Variants in SMG6 observed in about 807,000 individuals in gnomAD.
SMG6 encodes SMG6 nonsense mediated mRNA decay factor, also known as telomerase-binding protein EST1A.
A neutral mutation model predicts 142.2 loss-of-function variants in SMG6; 66 were observed. The observed-to-expected ratio is 0.46, with a 90% confidence interval of 0.38 to 0.57. The LOEUF (loss-of-function observed/expected upper bound fraction) is 0.57. Ranked by LOEUF, SMG6 falls within the 20% of genes least tolerant of loss-of-function variation. The pLI is 0.00. For missense variants in SMG6, 1,793 were observed against 1,832.0 expected (o/e 0.98, Z 0.39); for synonymous variants, 779 against 702.4 (o/e 1.11, Z -1.72).
chr17:2,236,372 T>A, intron 10 of SMG6, 120 bp downstream of exon 10: 1 of 856,930 alleles, frequency 1.2e-6, no homozygotes, highest in Admixed American at 2.5e-5. Context: ...TAGGGTAGGG[T>A]GTGTGTGTTC....
intron 10 of SMG6, among the ~76,000 whole-genome samples, chr17:2,231,057 G>C (rs922163278): frequency 6.6e-6 from 1 of 152,102 alleles, no homozygotes; most frequent in African/African-American, 2.4e-5. Flanking sequence ...ATGAAAGGTG[G>C]ATTTCCTGTA....
chr17:2,294,846 A>G (rs570926045), intron 4 of SMG6, among the ~76,000 whole-genome samples: 3 of 151,406 alleles, frequency 2.0e-5, no homozygotes, highest in Non-Finnish European at 2.9e-5. Context: ...TGCCTAAAAT[A>G]CCACCAAGCA....
chr17:2,163,391 G>A (rs1272330577), intron 13 of SMG6, among the ~76,000 whole-genome samples: 5 of 151,840 alleles, frequency 3.3e-5, no homozygotes, highest in Non-Finnish European at 7.4e-5. Context: ...TGTTTCCCAG[G>A]CTGGTCTCGA....
At chr17:2,298,493 G>T (rs2075193838) in intron 2 of SMG6, among the ~76,000 whole-genome samples, 1 of 152,168 alleles carries the variant, frequency 6.6e-6, no homozygotes, top group Non-Finnish European at 1.5e-5. Context: ...GCCGAGGCAG[G>T]CGGATCACGA....
At chr17:2,227,848 A>G (rs2073361978) in intron 10 of SMG6, among the ~76,000 whole-genome samples, 1 of 152,242 alleles carries the variant, frequency 6.6e-6, no homozygotes. Context: ...CCAAAGAGAA[A>G]ACAACCGAAA....
chr17:2,094,445 G>T (rs1405834039), intron 13 of SMG6, among the ~76,000 whole-genome samples: 2 of 152,038 alleles, frequency 1.3e-5, no homozygotes, highest in African/African-American at 2.4e-5. Context: ...CACCATATTG[G>T]CCAGGCTGGT....
chr17:2,244,676 T>G lies in SMG6; in HGVS notation c.2705A>C (p.Lys902Thr). Reference sequence around the variant, plus strand: ...CACTTACCCAATCCGGGTAAACAGCTTCCCATGGGCATGGAGAAAACTGAG... The same window carrying G: ...CACTTACCCAATCCGGGTAAACAGCGTCCCATGGGCATGGAGAAAACTGAG... ...FILSFLHAHG[K>T]LFTRIGMETF... Residue 902 changes from lysine to threonine, a missense_variant, in exon 9 of 19, where the codon AAG (lysine) becomes ACG (threonine). Transcript: ENST00000263073. 1.2e-6 allele frequency: 2 copies of G among 1,613,824 alleles called. No homozygotes were observed. The highest frequency in any genetic ancestry group is 1.7e-6 in the Non-Finnish European group (2 of 1,179,696).
intron 13 of SMG6, chr17:2,094,988 C>T (rs1053195771): frequency 3.9e-5 from 6 of 152,216 alleles, no homozygotes; most frequent in South Asian, 2.1e-4. Flanking sequence ...AGCAGTAGCT[C>T]GGGCTTCAGT....
intron 13 of SMG6, among the ~76,000 whole-genome samples, chr17:2,142,353 T>C (rs1485334328): frequency 6.6e-6 from 1 of 152,170 alleles, no homozygotes; most frequent in Non-Finnish European, 1.5e-5. Flanking sequence ...AAAGAACTCC[T>C]GCAACTCAAG....
chr17:2,173,856 T>C (rs370459968), intron 12 of SMG6, among the ~76,000 whole-genome samples: 1 of 143,208 alleles, frequency 7.0e-6, no homozygotes, highest in East Asian at 2.0e-4. Flanking sequence ...TTTTTTTTTT[T>C]TTTTTTTTTT....
At chr17:2,239,089 G>C (rs1567709618) in intron 9 of SMG6, among the ~76,000 whole-genome samples, 1 of 152,132 alleles carries the variant, frequency 6.6e-6, no homozygotes, top group African/African-American at 2.4e-5. Flanking sequence ...CAAACTACCT[G>C]TAAGTAGTTT....
intron 4 of SMG6, among the ~76,000 whole-genome samples, chr17:2,294,285 C>T (rs569310500): frequency 7.8e-4 from 119 of 152,310 alleles, no homozygotes; most frequent in African/African-American, 2.9e-3. Context: ...GTTAAGAATC[C>T]TCTGTATTTA....
At chr17:2,190,557 G>A (rs1332466576) in intron 10 of SMG6, among the ~76,000 whole-genome samples, 2 of 152,212 alleles carry the variant, frequency 1.3e-5, no homozygotes, top group African/African-American at 2.4e-5. Flanking sequence ...TGGGGGCTAG[G>A]GCTCAGAGGG....
At chr17:2,137,898 T>C (rs1477533804) in intron 13 of SMG6, among the ~76,000 whole-genome samples, 1 of 152,198 alleles carries the variant, frequency 6.6e-6, no homozygotes, top group East Asian at 1.9e-4. Context: ...CTGTCAACCA[T>C]GTCATTCAGC....
chr17:2,115,052 G>C (rs1188810747), intron 13 of SMG6, among the ~76,000 whole-genome samples: 1 of 151,582 alleles, frequency 6.6e-6, no homozygotes, highest in East Asian at 1.9e-4. Flanking sequence ...GGGTTGATGG[G>C]AAACACAGCA....
At chr17:2,252,398 C>A (rs1351386520) in intron 8 of SMG6, among the ~76,000 whole-genome samples, 91 of 146,822 alleles carry the variant, frequency 6.2e-4, no homozygotes, top group Non-Finnish European at 6.9e-4. Context: ...GACTCCAACT[C>A]AAAAAAAATA....
At chr17:2,093,427 A>T (rs542008164) in intron 13 of SMG6, among the ~76,000 whole-genome samples, 56 of 152,168 alleles carry the variant, frequency 3.7e-4, no homozygotes, top group Non-Finnish European at 7.8e-4. Context: ...TGACTCAAAA[A>T]GAAAAAAAAA....
At chr17:2,182,475 T>A (rs1205048270) in intron 12 of SMG6, among the ~76,000 whole-genome samples, 1 of 151,912 alleles carries the variant, frequency 6.6e-6, no homozygotes, top group East Asian at 1.9e-4. Flanking sequence ...ATGGGGAGAC[T>A]GAGATTAATA....
At chr17:2,246,478 A>C (rs2073929944) in intron 8 of SMG6, among the ~76,000 whole-genome samples, 1 of 152,264 alleles carries the variant, frequency 6.6e-6, no homozygotes, top group East Asian at 1.9e-4. Flanking sequence ...AAAGAGGTAC[A>C]TTCTCACTTA....
Sources: gnomAD v4.1 joint callset for allele counts (sites outside exome capture counted in the v4.1 genomes callset) on GRCh38, gnomAD v4.1.1 for gene constraint, MANE v1.5 for transcripts, NCBI Gene and HGNC (gene_info 2026-07-23, HGNC 2026-07-21) for gene names.